Variants in UTRN observed in about 807,000 individuals in gnomAD.
The protein encoded by UTRN is dystrophin-related protein 1.
A neutral mutation model predicts 463.9 loss-of-function variants in UTRN; 283 were observed. The observed-to-expected ratio is 0.61, with a 90% CI of 0.55 to 0.67. The LOEUF is 0.67. Among genes scored for constraint, UTRN ranks in the 30% least tolerant of loss-of-function variants. The probability of loss-of-function intolerance (pLI) is 0.00; values close to 1 mark genes in which losing one functional copy is unlikely to be tolerated. For synonymous variants in UTRN, 1,442 were observed against 1,431.5 expected (o/e 1.01, Z -0.17); for missense variants, 3,922 against 4,084.3 (o/e 0.96, Z 1.08).
In UTRN at chr6:144,485,925, GA is replaced by G. The variant is rs143911012; in HGVS notation, c.3822+407del. Reference sequence around the variant, plus strand: ...AGGGGATTCCTGTCTCTTACCTTCAGATGCTAGAAGTTAAGACAGTGGTTGA... The same window carrying G: ...AGGGGATTCCTGTCTCTTACCTTCAGTGCTAGAAGTTAAGACAGTGGTTGA... On this transcript the variant is annotated intron_variant, in intron 28 of 74. Transcript: ENST00000367545. 1.2e-4 allele frequency among the ~76,000 whole-genome samples: 19 copies of G among 152,296 alleles called. No individual in the cohort carries two copies. In the East Asian group the frequency reaches 3.7e-3, roughly 29 times the overall value.
chr6:144,352,578 T>G (rs912428960), intron 2 of UTRN, among the ~76,000 whole-genome samples: 1 of 152,234 alleles, frequency 6.6e-6, no homozygotes. Flanking sequence ...AAGGAGAATC[T>G]TATGTTTTAT....
At chr6:144,319,589 A>G (rs1020060382) in intron 2 of UTRN, among the ~76,000 whole-genome samples, 1 of 151,982 alleles carries the variant, frequency 6.6e-6, no homozygotes, top group Non-Finnish European at 1.5e-5. Flanking sequence ...ATTTTAAGTA[A>G]TTTTTTCTTT....
intron 51 of UTRN, among the ~76,000 whole-genome samples, chr6:144,624,961 A>G (rs1434894473): frequency 6.6e-6 from 1 of 152,206 alleles, no homozygotes; most frequent in Non-Finnish European, 1.5e-5. Context: ...GGGCAGAGTC[A>G]GAAGAGAGGA....
In UTRN at chr6:144,435,952, G is replaced by A; in HGVS notation, c.873G>A (p.Glu291=). 2 of 1,614,012 alleles carry A rather than the reference G, an allele frequency of 1.2e-6. No homozygotes were observed. The highest frequency in any genetic ancestry group is 8.5e-7 in the Non-Finnish European group (1 of 1,180,024). ...TTTTACAGAGTACAGCGCCTGAGGA[G>A]GAGCATGAGAGTCCCCGAGCTGAAA... The part of the protein sequence containing the change: ...AINIQSTAPE[E]EHESPRAETP... The change falls in exon 10 of 75, where the codon GAG becomes GAA. Residue 291 remains glutamate (E), a synonymous_variant. Coordinates refer to ENST00000367545, the MANE Select transcript of UTRN (RefSeq NM_007124.3).
chr6:144,527,352 G>A (rs1053289124), intron 41 of UTRN, among the ~76,000 whole-genome samples: 3 of 152,208 alleles, frequency 2.0e-5, no homozygotes, highest in Admixed American at 1.3e-4. Flanking sequence ...TAAGGTTTCT[G>A]CTGAGAAATC....
At chr6:144,467,657 G>C (rs769340155) in intron 23 of UTRN, among the ~76,000 whole-genome samples, 1 of 152,152 alleles carries the variant, frequency 6.6e-6, no homozygotes, top group African/African-American at 2.4e-5. Context: ...ACCAGGTTTT[G>C]AGAGTACTTT....
intron 51 of UTRN, 42 bp from the exon 52 acceptor site, chr6:144,678,364 A>T (rs1237626708): frequency 1.3e-6 from 2 of 1,581,362 alleles, no homozygotes; most frequent in African/African-American, 2.7e-5. Flanking sequence ...AGATATACTG[A>T]TTCCTAACAC....
chr6:144,691,332 C>G (rs1258565236), intron 52 of UTRN, among the ~76,000 whole-genome samples: 1 of 152,120 alleles, frequency 6.6e-6, no homozygotes, highest in Non-Finnish European at 1.5e-5. Flanking sequence ...GGCTGGGCTG[C>G]TCTCGAACTC....
At chr6:144,454,996 G>A (rs1033761359) in intron 19 of UTRN, among the ~76,000 whole-genome samples, 15 of 151,882 alleles carry the variant, frequency 9.9e-5, no homozygotes, top group Non-Finnish European at 2.1e-4. Context: ...TTTGACCTTA[G>A]ATTATTTTGC....
intron 51 of UTRN, among the ~76,000 whole-genome samples, chr6:144,643,739 A>G (rs761763227): frequency 2.7e-4 from 41 of 152,010 alleles, no homozygotes; most frequent in Non-Finnish European, 4.9e-4. Context: ...GGAGGTTACA[A>G]TGAGCCCAGA....
Position 144,809,255 on chromosome 6 carries a change from T to C in UTRN, c.9357+6108T>C, listed in dbSNP as rs190902264. On this transcript the variant is annotated intron_variant, in intron 65 of 74. Transcript: ENST00000367545. ...TTTAGAATAGCTACTAGGGTCAATC[T>C]TGAGTCACACAGAGATGAGTAAACT... is the stretch of plus-strand genomic sequence containing the variant. Among the ~76,000 whole-genome samples, 4 of 152,250 alleles carry C rather than the reference T, an allele frequency of 2.6e-5. No homozygotes were observed. The East Asian group carries it at 7.7e-4, about 29-fold the overall frequency.
chr6:144,573,068 G>A (rs1429486696), intron 50 of UTRN, among the ~76,000 whole-genome samples: 5 of 152,008 alleles, frequency 3.3e-5, no homozygotes, highest in African/African-American at 1.2e-4. Context: ...GTTTTATCCC[G>A]ACTTTTTAGT....
intron 53 of UTRN, among the ~76,000 whole-genome samples, chr6:144,702,714 G>A (rs748234232): frequency 6.6e-6 from 1 of 152,152 alleles, no homozygotes; most frequent in Non-Finnish European, 1.5e-5. Flanking sequence ...CCTCTTGAAA[G>A]TAGAACATTT....
intron 51 of UTRN, among the ~76,000 whole-genome samples, chr6:144,635,133 T>G (rs568331325): frequency 4.9e-5 from 7 of 142,926 alleles, no homozygotes; most frequent in Admixed American, 2.1e-4. Flanking sequence ...TCCAGTTATT[T>G]GTGTGTTTTT....
chr6:144,711,084 G>C (rs1325653723), intron 53 of UTRN, among the ~76,000 whole-genome samples: 1 of 152,164 alleles, frequency 6.6e-6, no homozygotes, highest in Non-Finnish European at 1.5e-5. Flanking sequence ...TTGGGAAGCC[G>C]AGGCGGGTGG....
At chr6:144,774,080 C>G (rs1775089438) in intron 59 of UTRN, among the ~76,000 whole-genome samples, 2 of 152,186 alleles carry the variant, frequency 1.3e-5, no homozygotes, top group Non-Finnish European at 2.9e-5. Flanking sequence ...AGAATTTTCT[C>G]TGTAGCACTG....
At chr6:144,729,818 G>T (rs1365678977) in intron 53 of UTRN, among the ~76,000 whole-genome samples, 3 of 152,196 alleles carry the variant, frequency 2.0e-5, no homozygotes, top group Admixed American at 1.3e-4. Context: ...GATAATTGGA[G>T]ACTGTTTTAT....
intron 51 of UTRN, among the ~76,000 whole-genome samples, chr6:144,592,348 A>G (rs1803170181): frequency 1.3e-5 from 2 of 152,100 alleles, no homozygotes; most frequent in Non-Finnish European, 2.9e-5. Flanking sequence ...GGACCAGAAC[A>G]ATGAAAAGCT....
intron 51 of UTRN, among the ~76,000 whole-genome samples, chr6:144,605,983 CT>C (rs1804807714): frequency 6.6e-6 from 1 of 151,988 alleles, no homozygotes; most frequent in African/African-American, 2.4e-5. Flanking sequence ...AAAACTCTTT[CT>C]TGGAAATTTA....
Sources: gnomAD v4.1 joint callset for allele counts (sites outside exome capture counted in the v4.1 genomes callset) on GRCh38, gnomAD v4.1.1 for gene constraint, MANE v1.5 for transcripts, NCBI Gene and HGNC (gene_info 2026-07-23, HGNC 2026-07-21) for gene names.